The following FSTL5 variants were observed in gnomAD, a reference collection of about 807,000 sequenced individuals.
The protein encoded by FSTL5 is follistatin-related protein 5.
Under a neutral mutation model 89.1 loss-of-function variants are expected in FSTL5, and 62 were observed. The observed-to-expected ratio is 0.70, with a 90% CI of 0.57 to 0.86. The LOEUF (loss-of-function observed/expected upper bound fraction) is 0.86, where lower values mean the gene tolerates loss of function less well. FSTL5 is among the 40% of genes least tolerant of loss of function. The probability of loss-of-function intolerance (pLI) is 0.00; values close to 1 mark genes in which losing one functional copy is unlikely to be tolerated. For synonymous variants in FSTL5, 383 were observed against 346.2 expected, an observed-to-expected ratio of 1.11 and a Z score of -1.18; for missense variants, 1,057 against 1,001.6, an observed-to-expected ratio of 1.06 and a Z score of -0.75.
At chr4:161,583,053 G>A (rs1395449494) in intron 8 of FSTL5, among the ~76,000 whole-genome samples, 2 of 151,906 alleles carry the variant, frequency 1.3e-5, no homozygotes, top group South Asian at 4.2e-4. Context: ...AATAAAAAAA[G>A]TAGCCAGGCG....
chr4:161,772,890 C>A (rs1170666004), intron 5 of FSTL5, among the ~76,000 whole-genome samples: 8 of 152,094 alleles, frequency 5.3e-5, no homozygotes, highest in Admixed American at 5.2e-4. Context: ...ATAGCCAATG[C>A]AAGGCTAAGC....
chr4:161,770,214 G>A (rs1049856217), intron 5 of FSTL5, among the ~76,000 whole-genome samples: 2 of 151,988 alleles, frequency 1.3e-5, no homozygotes, highest in African/African-American at 4.8e-5. Flanking sequence ...ACCACAGGTT[G>A]GGAAGGATAG....
intron 15 of FSTL5, among the ~76,000 whole-genome samples, chr4:161,441,140 T>A (rs954491733): frequency 6.6e-6 from 1 of 152,094 alleles, no homozygotes; most frequent in Non-Finnish European, 1.5e-5. Context: ...TCAGTGGCGC[T>A]AAGGCACATC....
intron 4 of FSTL5, among the ~76,000 whole-genome samples, chr4:161,814,310 T>A (rs1560861134): frequency 6.6e-6 from 1 of 152,110 alleles, no homozygotes. Flanking sequence ...ATAAATAAAT[T>A]TCTTCAACTA....
chr4:161,612,447 C>G (rs904355544), intron 7 of FSTL5, among the ~76,000 whole-genome samples: 3 of 152,172 alleles, frequency 2.0e-5, no homozygotes, highest in African/African-American at 7.2e-5. Context: ...TGCATTTCAA[C>G]ACAACTATTC....
At chr4:161,706,758 T>C (rs1738597670) in intron 6 of FSTL5, among the ~76,000 whole-genome samples, 1 of 152,048 alleles carries the variant, frequency 6.6e-6, no homozygotes, top group Non-Finnish European at 1.5e-5. Context: ...AGATCACAGT[T>C]ATCACTACTT....
chr4:161,434,224 A>G (rs185302836), intron 15 of FSTL5, among the ~76,000 whole-genome samples: 3 of 152,252 alleles, frequency 2.0e-5, no homozygotes, highest in Non-Finnish European at 4.4e-5. Flanking sequence ...ATGGAACAGA[A>G]TAGAGGATCC....
intron 7 of FSTL5, among the ~76,000 whole-genome samples, chr4:161,651,505 AC>A (rs1055906343): frequency 1.3e-5 from 2 of 152,138 alleles, no homozygotes; most frequent in Admixed American, 6.5e-5. Flanking sequence ...ACTCTTTGAA[AC>A]AAATATAAGA....
intron 4 of FSTL5, among the ~76,000 whole-genome samples, chr4:161,859,787 A>G (rs1207327474): frequency 6.6e-6 from 1 of 152,142 alleles, no homozygotes; most frequent in Non-Finnish European, 1.5e-5. Context: ...AAGTGCTATT[A>G]TGTTCATGTG....
chr4:161,978,648 T>G (rs1453255872), intron 3 of FSTL5, among the ~76,000 whole-genome samples: 1 of 152,172 alleles, frequency 6.6e-6, no homozygotes, highest in Non-Finnish European at 1.5e-5. Context: ...AAAATTCATA[T>G]TGATTTAACA....
chr4:161,830,864 T>C (rs1218697505), intron 4 of FSTL5, among the ~76,000 whole-genome samples: 1 of 151,884 alleles, frequency 6.6e-6, no homozygotes, highest in East Asian at 1.9e-4. Context: ...GGTTGGAAGG[T>C]GTTAGAATTA....
intron 7 of FSTL5, among the ~76,000 whole-genome samples, chr4:161,595,087 A>G (rs1733965782): frequency 6.7e-6 from 1 of 149,086 alleles, no homozygotes. Flanking sequence ...TCTTTTTTTC[A>G]GGATTCTCCA....
At chr4:161,594,751 T>C (rs1733951938) in intron 7 of FSTL5, among the ~76,000 whole-genome samples, 1 of 151,994 alleles carries the variant, frequency 6.6e-6, no homozygotes, top group South Asian at 2.1e-4. Flanking sequence ...CTCTCATCAG[T>C]TTGAATAAAG....
intron 3 of FSTL5, among the ~76,000 whole-genome samples, chr4:162,003,427 C>T (rs1736524156): frequency 1.3e-5 from 2 of 151,942 alleles, no homozygotes; most frequent in South Asian, 2.1e-4. Flanking sequence ...GACTCTCAAT[C>T]ATTATATTTT....
intron 15 of FSTL5, among the ~76,000 whole-genome samples, chr4:161,393,697 G>GGTAATAT (rs1478449075): frequency 2.0e-5 from 3 of 152,140 alleles, no homozygotes; most frequent in Non-Finnish European, 4.4e-5. Context: ...AGGGTAATGC[G>GGTAATAT]GTAATATGAG....
At chr4:162,115,815 ATGC>A (rs1157951652) in intron 1 of FSTL5, among the ~76,000 whole-genome samples, 1 of 152,138 alleles carries the variant, frequency 6.6e-6, no homozygotes, top group Non-Finnish European at 1.5e-5. Context: ...AAAACATGCC[ATGC>A]TGCTTGCTGG....
At chr4:161,423,205 A>G (rs1314715524) in intron 15 of FSTL5, among the ~76,000 whole-genome samples, 2 of 152,192 alleles carry the variant, frequency 1.3e-5, no homozygotes, top group Non-Finnish European at 2.9e-5. Context: ...TTCCAAGTTC[A>G]TGACTTGACT....
intron 3 of FSTL5, among the ~76,000 whole-genome samples, chr4:161,976,725 C>G (rs1311832281): frequency 6.6e-6 from 1 of 152,160 alleles, no homozygotes; most frequent in Non-Finnish European, 1.5e-5. Context: ...TCGTGATCCA[C>G]CCGCCTCAGC....
At chr4:161,544,064 C>T (rs1022999835) in intron 8 of FSTL5, among the ~76,000 whole-genome samples, 10 of 150,830 alleles carry the variant, frequency 6.6e-5, no homozygotes, top group African/African-American at 9.8e-5. Flanking sequence ...AAATTTGAGA[C>T]GAAAAAATTG....
Sources: allele counts gnomAD v4.1 joint callset (sites outside exome capture counted in the v4.1 genomes callset), GRCh38; gene constraint gnomAD v4.1.1; transcripts MANE v1.5; gene names NCBI Gene and HGNC (gene_info 2026-07-23, HGNC 2026-07-21).